The following SGMS1 variants were observed in gnomAD, a reference collection of about 807,000 sequenced individuals.
SGMS1 encodes the protein sphingomyelin synthase 1, also known as phosphatidylcholine:ceramide cholinephosphotransferase 1.
SGMS1 carries 13 observed loss-of-function variants against 46.2 expected under a neutral mutation model. The observed-to-expected ratio is 0.28, with a 90% CI of 0.18 to 0.45. The LOEUF is 0.45. Among genes scored for constraint, SGMS1 ranks in the 20% least tolerant of loss-of-function variants. The probability of loss-of-function intolerance (pLI) is 1.00; values close to 1 mark genes in which losing one functional copy is unlikely to be tolerated. For missense variants in SGMS1, 324 were observed against 519.9 expected (o/e 0.62, Z 3.66); for synonymous variants, 203 against 187.8 (o/e 1.08, Z -0.66).
At chr10:50,550,712 A>G (rs928626089) in intron 2 of SGMS1, among the ~76,000 whole-genome samples, 35 of 152,026 alleles carry the variant, frequency 2.3e-4, no homozygotes, top group Admixed American at 6.6e-4. Context: ...CTCTGCTTAA[A>G]CCCTTGAACT....
At chr10:50,579,801 G>A (rs1838416451) in intron 2 of SGMS1, among the ~76,000 whole-genome samples, 1 of 152,178 alleles carries the variant, frequency 6.6e-6, no homozygotes, top group African/African-American at 2.4e-5. Flanking sequence ...GAGGGAAACT[G>A]GGAATCCAAT....
At chr10:50,328,167 A>G (rs1847559252) in intron 7 of SGMS1, 2 of 269,870 alleles carry the variant, frequency 7.4e-6, no homozygotes, top group African/African-American at 4.7e-5. Flanking sequence ...ACGTCTCCTA[A>G]TATAAAAATT....
intron 8 of SGMS1, among the ~76,000 whole-genome samples, chr10:50,322,230 C>T (rs1470670569): frequency 6.6e-6 from 1 of 152,198 alleles, no homozygotes; most frequent in Admixed American, 6.5e-5. Context: ...TGTACTCTCT[C>T]TCTTCTCAAA....
chr10:50,621,627 C>T (rs1006237669), intron 1 of SGMS1, among the ~76,000 whole-genome samples: 2 of 152,216 alleles, frequency 1.3e-5, no homozygotes, highest in African/African-American at 4.8e-5. Context: ...GGTTTAATAA[C>T]CGTGTCCCTC....
intron 3 of SGMS1, among the ~76,000 whole-genome samples, chr10:50,496,054 C>T (rs571926887): frequency 1.0e-4 from 15 of 150,606 alleles, no homozygotes; most frequent in African/African-American, 3.6e-4. Context: ...TTCCTTTATA[C>T]TGAATCCAGT....
At chr10:50,544,870 G>A (rs924642329) in intron 2 of SGMS1, among the ~76,000 whole-genome samples, 71 of 152,292 alleles carry the variant, frequency 4.7e-4, no homozygotes, top group African/African-American at 1.5e-3. Flanking sequence ...AAGAAGAAAC[G>A]TGTGCCGCGT....
At chr10:50,491,020 A>G in intron 3 of SGMS1, among the ~76,000 whole-genome samples, 1 of 152,204 alleles carries the variant, frequency 6.6e-6, no homozygotes, top group East Asian at 1.9e-4. Context: ...CTGTCTTTCA[A>G]AACAAATCTG....
chr10:50,506,119 T>G (rs1355597073), intron 3 of SGMS1, among the ~76,000 whole-genome samples: 1 of 152,188 alleles, frequency 6.6e-6, no homozygotes, highest in Non-Finnish European at 1.5e-5. Context: ...CTAGAAGTCA[T>G]TCCCCCAGAG....
At chr10:50,376,526 G>A (rs1280140291) in intron 6 of SGMS1, among the ~76,000 whole-genome samples, 1 of 152,140 alleles carries the variant, frequency 6.6e-6, no homozygotes, top group Non-Finnish European at 1.5e-5. Context: ...TTGGTGTGCT[G>A]CACCCATTAA....
At chr10:50,512,458 C>T (rs1326893582) in intron 3 of SGMS1, among the ~76,000 whole-genome samples, 1 of 152,096 alleles carries the variant, frequency 6.6e-6, no homozygotes, top group Non-Finnish European at 1.5e-5. Context: ...CTATGGAAGT[C>T]AGCTAGGAAA....
At chr10:50,377,602 T>TG (rs968461000) in intron 6 of SGMS1, among the ~76,000 whole-genome samples, 1 of 152,208 alleles carries the variant, frequency 6.6e-6, no homozygotes, top group Non-Finnish European at 1.5e-5. Context: ...GACTCTATCT[T>TG]GAACTGCAAT....
chr10:50,512,235 G>A (rs888233215), intron 3 of SGMS1, among the ~76,000 whole-genome samples: 1 of 152,102 alleles, frequency 6.6e-6, no homozygotes, highest in Non-Finnish European at 1.5e-5. Context: ...GATGGTGTGA[G>A]GGAGTAGGAA....
intron 1 of SGMS1, among the ~76,000 whole-genome samples, chr10:50,617,216 T>C (rs185573600): frequency 2.1e-3 from 323 of 152,380 alleles, no homozygotes; most frequent in Non-Finnish European, 3.6e-3. Context: ...CACTGAATTA[T>C]ACACTTAAAA....
intron 3 of SGMS1, among the ~76,000 whole-genome samples, chr10:50,489,799 C>T (rs887099911): frequency 5.3e-5 from 8 of 152,092 alleles, no homozygotes; most frequent in African/African-American, 1.9e-4. Flanking sequence ...CATGATGAAA[C>T]CTCATCTCTA....
intron 3 of SGMS1, among the ~76,000 whole-genome samples, chr10:50,490,814 C>A (rs1256455932): frequency 6.6e-6 from 1 of 152,162 alleles, no homozygotes; most frequent in African/African-American, 2.4e-5. Context: ...TTATTAATAT[C>A]AGTGTAGACG....
At chr10:50,578,691 A>T (rs1179690539) in intron 2 of SGMS1, among the ~76,000 whole-genome samples, 1 of 152,112 alleles carries the variant, frequency 6.6e-6, no homozygotes, top group East Asian at 1.9e-4. Flanking sequence ...GCAAATTCTG[A>T]CCTGGATTTT....
intron 6 of SGMS1, among the ~76,000 whole-genome samples, chr10:50,365,272 A>AAAAAAAAAAAAAAAAAAAAAAAAAAAAC (rs1848318551): frequency 6.7e-6 from 1 of 150,122 alleles, no homozygotes; most frequent in South Asian, 2.1e-4. Flanking sequence ...AAAAAAAAAA[A>AAAAAAAAAAAAAAAAAAAAAAAAAAAAC]AAAAAAGCAA....
chr10:50,592,907 G>C (rs1409363546), intron 1 of SGMS1, among the ~76,000 whole-genome samples: 1 of 131,076 alleles, frequency 7.6e-6, no homozygotes, highest in African/African-American at 2.6e-5. Context: ...GTGGTAGCCA[G>C]CCTCCAAGAT....
intron 2 of SGMS1, among the ~76,000 whole-genome samples, chr10:50,587,165 C>T (rs1462970188): frequency 6.6e-6 from 1 of 152,026 alleles, no homozygotes; most frequent in African/African-American, 2.4e-5. Context: ...GACCCTTGAA[C>T]AACACTGGTT....
Sources: allele counts gnomAD v4.1 joint callset (sites outside exome capture counted in the v4.1 genomes callset), GRCh38; gene constraint gnomAD v4.1.1; transcripts MANE v1.5; gene names NCBI Gene and HGNC (gene_info 2026-07-23, HGNC 2026-07-21).